MDGA2: variants seen among roughly 807,000 people sequenced by gnomAD.
MDGA2 encodes the protein MAM domain-containing glycosylphosphatidylinositol anchor protein 2.
In MDGA2, 40 loss-of-function variants were observed where a neutral mutation model predicts 117.8. The ratio of observed to expected loss-of-function variants is 0.34; its 90% CI spans 0.26 to 0.44. MDGA2 has a LOEUF of 0.44. Among genes scored for constraint, MDGA2 ranks in the 20% least tolerant of loss-of-function variants. The probability of loss-of-function intolerance (pLI) is 1.00; values close to 1 mark genes in which losing one functional copy is unlikely to be tolerated. For synonymous variants in MDGA2, 452 were observed against 439.0 expected, an observed-to-expected ratio of 1.03 and a Z score of -0.37; for missense variants, 1,123 against 1,250.6, an observed-to-expected ratio of 0.90 and a Z score of 1.54.
chr14:47,314,989 T>C (rs1469952235), intron 1 of MDGA2, among the ~76,000 whole-genome samples: 2 of 152,136 alleles, frequency 1.3e-5, no homozygotes, highest in African/African-American at 4.8e-5. Flanking sequence ...ACTAGAATGT[T>C]AACAATGATG....
chr14:47,275,429 C>T (rs1390788598), intron 2 of MDGA2, among the ~76,000 whole-genome samples: 1 of 151,868 alleles, frequency 6.6e-6, no homozygotes, highest in Non-Finnish European at 1.5e-5. Context: ...GAAAGAAGGC[C>T]AATGTAATAT....
intron 2 of MDGA2, among the ~76,000 whole-genome samples, chr14:47,263,036 A>G (rs1887849578): frequency 6.6e-6 from 1 of 152,054 alleles, no homozygotes; most frequent in Non-Finnish European, 1.5e-5. Context: ...TTTAGGGCCT[A>G]TCGGGCTGTG....
chr14:46,980,344 C>T (rs1466207315), intron 8 of MDGA2, among the ~76,000 whole-genome samples: 2 of 152,170 alleles, frequency 1.3e-5, no homozygotes, highest in African/African-American at 4.8e-5. Context: ...CTGCTGCAAT[C>T]TCACAGAATA....
chr14:46,867,696 C>G (rs1881830896), intron 14 of MDGA2, among the ~76,000 whole-genome samples: 1 of 151,934 alleles, frequency 6.6e-6, no homozygotes, highest in African/African-American at 2.4e-5. Context: ...TATGGTTTAT[C>G]AATATATTAA....
rs150584338 is a variant in MDGA2, at chr14:46,889,467, A to G, written c.2239-7246T>C. ...GTCTAAATTAAAGAGTTTTCCTTGA[A>G]AGCATCCTGGTGTGGTATAGGAGAG... On this transcript the variant is annotated intron_variant, in intron 10 of 16. Coordinates refer to ENST00000399232, the MANE Select transcript of MDGA2 (RefSeq NM_001113498.3). Among the ~76,000 whole-genome samples the G allele has an allele frequency of 1.7e-4, 26 of 152,144 alleles. No homozygotes were observed. The East Asian group carries it at 5.0e-3, about 29-fold the overall frequency.
chr14:47,236,947 C>A (rs1369919891), intron 2 of MDGA2, among the ~76,000 whole-genome samples: 1 of 152,112 alleles, frequency 6.6e-6, no homozygotes, highest in African/African-American at 2.4e-5. Flanking sequence ...TGACCCAGTT[C>A]TTAGAAATGT....
chr14:47,614,944 T>A (rs1896922381), intron 1 of MDGA2, among the ~76,000 whole-genome samples: 1 of 152,212 alleles, frequency 6.6e-6, no homozygotes, highest in African/African-American at 2.4e-5. Context: ...CAGTAAATGT[T>A]CCATAAGTTT....
intron 1 of MDGA2, among the ~76,000 whole-genome samples, chr14:47,612,221 T>C (rs188191320): frequency 4.0e-5 from 6 of 151,374 alleles, no homozygotes; most frequent in Admixed American, 1.3e-4. Context: ...GATAGATAGA[T>C]AGATAGATAG....
chr14:46,847,237 T>A (rs973668987), intron 15 of MDGA2, among the ~76,000 whole-genome samples: 1 of 152,074 alleles, frequency 6.6e-6, no homozygotes, highest in African/African-American at 2.4e-5. Flanking sequence ...TTTTCATGAT[T>A]TGATAGCAGA....
intron 1 of MDGA2, among the ~76,000 whole-genome samples, chr14:47,321,591 A>T (rs2139876607): frequency 6.6e-6 from 1 of 152,282 alleles, no homozygotes. Context: ...AGTAGGAACT[A>T]TTAAAGCTAA....
At chr14:46,857,082 C>A (rs894230120) in intron 14 of MDGA2, among the ~76,000 whole-genome samples, 1 of 152,130 alleles carries the variant, frequency 6.6e-6, no homozygotes, top group Non-Finnish European at 1.5e-5. Context: ...TCAAATATAT[C>A]TTTTACTTTT....
chr14:46,898,557 T>C (rs998396052), intron 10 of MDGA2, among the ~76,000 whole-genome samples: 8 of 152,030 alleles, frequency 5.3e-5, no homozygotes, highest in African/African-American at 1.9e-4. Context: ...GTTTTTCAAA[T>C]AAATAGGTCT....
At chr14:47,673,602 C>T (rs981808315) in intron 1 of MDGA2, among the ~76,000 whole-genome samples, 13 of 149,872 alleles carry the variant, frequency 8.7e-5, no homozygotes, top group African/African-American at 3.2e-4. Flanking sequence ...AGAAGACATA[C>T]ATTTTAGTCC....
At position 47,634,396 on chromosome 14, in the gene MDGA2, T is replaced by C. The variant is rs183179251; in HGVS notation, c.280+40121A>G. Reference sequence around the variant, plus strand: ...ATCAAGAAGTAGACAAGAAAACAAATAATTTATTAGTTGTATAACTGTGTA... The same window carrying C: ...ATCAAGAAGTAGACAAGAAAACAAACAATTTATTAGTTGTATAACTGTGTA... On this transcript the variant is annotated intron_variant, in intron 1 of 16. Transcript: ENST00000399232. Among the ~76,000 whole-genome samples, 693 of 152,158 alleles carry C rather than the reference T, an allele frequency of 4.6e-3. 4 individuals carry two copies. The highest frequency in any genetic ancestry group is 6.8e-3 in the Non-Finnish European group (462 of 67,944).
chr14:47,055,873 G>C (rs986334555), intron 7 of MDGA2, among the ~76,000 whole-genome samples: 1 of 152,198 alleles, frequency 6.6e-6, no homozygotes, highest in East Asian at 1.9e-4. Context: ...TTACTATCCA[G>C]CCCTTTACGA....
Position 47,522,348 on chromosome 14 carries a change from T to C in MDGA2, c.280+152169A>G, listed in dbSNP as rs370772563. 4.5e-4 allele frequency among the ~76,000 whole-genome samples: 51 copies of C among 113,942 alleles called. No individual in the cohort carries two copies. The East Asian group carries it at 0.014, about 31-fold the overall frequency. The allele number at this position is 113,942 out of a possible 152,430, so 74.8% of individuals were successfully genotyped here. On this transcript the variant is annotated intron_variant, in intron 1 of 16. Transcript: ENST00000399232. ...ATTTGTGTATGTGTGTATATATGTA[T>C]ATATATGTATATATGTGTATATATA...
At chr14:47,045,462 A>G (rs544377190) in intron 7 of MDGA2, among the ~76,000 whole-genome samples, 1 of 152,338 alleles carries the variant, frequency 6.6e-6, no homozygotes, top group East Asian at 1.9e-4. Flanking sequence ...ACATACTAAA[A>G]TACATAAATA....
At chr14:47,161,100 A>G (rs1883614744) in intron 3 of MDGA2, among the ~76,000 whole-genome samples, 1 of 152,020 alleles carries the variant, frequency 6.6e-6, no homozygotes. Flanking sequence ...CCAGATTTGC[A>G]TTTTTAAAAA....
rs547532322 is a variant in MDGA2, at chr14:47,595,520, G to A, written c.280+78997C>T. 3.4e-5 allele frequency among the ~76,000 whole-genome samples: 4 copies of A among 119,238 alleles called. No individual in the cohort carries two copies. The East Asian group carries it at 7.1e-4, about 21-fold the overall frequency. 78.2% of individuals were successfully genotyped at this position (119,238 alleles called of 152,430 possible). A position where few individuals can be genotyped will look rare whatever the true frequency, so the allele number is the denominator to read the frequency against. ...TCACGCTCCAGCCTAGGTGACGAGTGAAACTCCTTCTAAAAAAACCAAAAA... is the reference window on the plus strand; with the variant it reads ...TCACGCTCCAGCCTAGGTGACGAGTAAAACTCCTTCTAAAAAAACCAAAAA... On this transcript the variant is annotated intron_variant, in intron 1 of 16. Coordinates refer to ENST00000399232, the MANE Select transcript of MDGA2 (RefSeq NM_001113498.3).
Sources: gnomAD v4.1 joint callset for allele counts (sites outside exome capture counted in the v4.1 genomes callset) on GRCh38, gnomAD v4.1.1 for gene constraint, MANE v1.5 for transcripts, NCBI Gene and HGNC (gene_info 2026-07-23, HGNC 2026-07-21) for gene names.